RGS7: variants seen among roughly 807,000 people sequenced by gnomAD.
The protein encoded by RGS7 is regulator of G-protein signaling 7.
In RGS7, 27 loss-of-function variants were observed where a neutral mutation model predicts 81.1. That is an observed-to-expected ratio of 0.33 (90% CI 0.25 to 0.46). The LOEUF is 0.46. RGS7 is among the 20% of genes least tolerant of loss of function. The pLI, the probability that RGS7 is intolerant of heterozygous loss-of-function variation, is 1.00. For synonymous variants in RGS7, 208 were observed against 207.7 expected (o/e 1.00, Z -0.01); for missense variants, 396 against 607.4 (o/e 0.65, Z 3.66).
In RGS7 at chr1:241,259,727, T is replaced by C. The variant is rs1191945406; in HGVS notation, c.78+95972A>G. On this transcript the variant is annotated intron_variant, in intron 2 of 18. Coordinates refer to ENST00000440928, the MANE Select transcript of RGS7 (RefSeq NM_001364886.1). ...TAACAGCAACAACAATATGTTTTGA[T>C]GCTCAAGAACATGTCCAGGACAAAG... 1.4e-4 allele frequency among the ~76,000 whole-genome samples: 20 copies of C among 146,926 alleles called. No homozygotes were observed. In the Admixed American group the frequency reaches 1.4e-3, roughly 10 times the overall value.
At chr1:240,831,824 A>G (rs1459522895) in intron 9 of RGS7, among the ~76,000 whole-genome samples, 1 of 151,994 alleles carries the variant, frequency 6.6e-6, no homozygotes, top group African/African-American at 2.4e-5. Context: ...TTTAGTAGAG[A>G]CAAGGTTTTG....
intron 2 of RGS7, among the ~76,000 whole-genome samples, chr1:241,285,370 C>A (rs1284626881): frequency 1.3e-5 from 2 of 152,152 alleles, no homozygotes; most frequent in Admixed American, 1.3e-4. Flanking sequence ...CCCAGCTAAT[C>A]TGCCTTGTTC....
chr1:241,186,416 A>C (rs1393753100), intron 2 of RGS7: 1 of 813,472 alleles, frequency 1.2e-6, no homozygotes, highest in East Asian at 1.2e-4. Flanking sequence ...AGACCACAAG[A>C]AACAACATCT....
intron 2 of RGS7, among the ~76,000 whole-genome samples, chr1:241,219,213 T>C (rs2074751847): frequency 6.6e-6 from 1 of 152,082 alleles, no homozygotes; most frequent in African/African-American, 2.4e-5. Context: ...AGGGACTCAG[T>C]GGGAGGTAAC....
At chr1:240,896,782 C>T (rs1373778016) in intron 6 of RGS7, among the ~76,000 whole-genome samples, 3 of 152,212 alleles carry the variant, frequency 2.0e-5, no homozygotes, top group African/African-American at 7.2e-5. Context: ...TTTTTGGTTC[C>T]ATATGAACTT....
intron 2 of RGS7, among the ~76,000 whole-genome samples, chr1:241,350,010 A>G (rs1238270448): frequency 6.6e-6 from 1 of 152,172 alleles, no homozygotes. Context: ...TCCTCTGATC[A>G]ATTAGATTCA....
rs774763343 is a variant in RGS7 at position 240,776,207 on chromosome 1, A to T, written c.*13T>A. On this transcript the variant is annotated 3_prime_UTR_variant, in exon 19 of 19. Coordinates refer to ENST00000440928, the MANE Select transcript of RGS7 (RefSeq NM_001364886.1). ...CTTGTTAACCTCTTGGACGTGAGAG[A>T]TTTCCCCTGAGAAAATATATAAAAC... 11 of 1,608,582 alleles carry T rather than the reference A, an allele frequency of 6.8e-6. No homozygotes were observed. The African/African-American group carries it at 1.5e-4, about 22-fold the overall frequency.
intron 2 of RGS7, among the ~76,000 whole-genome samples, chr1:241,175,817 G>A (rs1418708008): frequency 2.0e-5 from 3 of 152,204 alleles, no homozygotes; most frequent in Non-Finnish European, 4.4e-5. Context: ...CAGGAAAAAG[G>A]AACAGCTACA....
chr1:240,774,937 T>A (rs1682763370), downstream of RGS7, among the ~76,000 whole-genome samples: 1 of 152,222 alleles, frequency 6.6e-6, no homozygotes, highest in Admixed American at 6.5e-5. Context: ...AATCTAGAGA[T>A]GACTTAGTAT....
At chr1:240,954,780 A>C (rs1323185673) in intron 4 of RGS7, among the ~76,000 whole-genome samples, 1 of 152,218 alleles carries the variant, frequency 6.6e-6, no homozygotes, top group African/African-American at 2.4e-5. Flanking sequence ...TGTTATACAC[A>C]TTGGAAAAGA....
At chr1:240,992,415 A>T (rs1365644335) in intron 3 of RGS7, among the ~76,000 whole-genome samples, 1 of 152,126 alleles carries the variant, frequency 6.6e-6, no homozygotes, top group East Asian at 1.9e-4. Context: ...GAGGCAGGAG[A>T]ATCACTTGAA....
At chr1:241,100,900 C>T (rs2064688333) in intron 2 of RGS7, among the ~76,000 whole-genome samples, 1 of 152,190 alleles carries the variant, frequency 6.6e-6, no homozygotes, top group South Asian at 2.1e-4. Flanking sequence ...CTTGTCTCTG[C>T]CCCCTAATTT....
At chr1:241,192,250 C>T (rs1414313661) in intron 2 of RGS7, among the ~76,000 whole-genome samples, 3 of 22,208 alleles carry the variant, frequency 1.4e-4, no homozygotes, top group African/African-American at 2.6e-4. Flanking sequence ...TTTCTGTCTG[C>T]ACGTGTGTGT....
rs1384832427 is a variant in RGS7, at chr1:240,985,759, C to T, written c.176-2630G>A. On this transcript the variant is annotated intron_variant, in intron 3 of 18. Coordinates refer to ENST00000440928, the MANE Select transcript of RGS7 (RefSeq NM_001364886.1). ...TCCATCTGTAAGAGTAAGACCTCAA[C>T]TCCTTGAAGAGATAGGTAGAGAGAG... 2.6e-5 allele frequency among the ~76,000 whole-genome samples: 4 copies of T among 151,928 alleles called. No individual in the cohort carries two copies. In the South Asian group the frequency reaches 6.2e-4, roughly 24 times the overall value.
chr1:240,784,423 G>T (rs35108478), intron 18 of RGS7, among the ~76,000 whole-genome samples: 18,136 of 151,668 alleles, frequency 0.12, 1,564 homozygotes, highest in African/African-American at 0.24. Flanking sequence ...GGCAGATCAC[G>T]AGGTCAGGAG....
intron 9 of RGS7, among the ~76,000 whole-genome samples, chr1:240,857,581 C>G (rs948131485): frequency 6.6e-6 from 1 of 152,124 alleles, no homozygotes; most frequent in Non-Finnish European, 1.5e-5. Context: ...TTTTTCCTGT[C>G]TCTGTGGTTT....
chr1:241,021,879 C>CTGAGAAAA (rs1238958670), intron 3 of RGS7, among the ~76,000 whole-genome samples: 1 of 152,162 alleles, frequency 6.6e-6, no homozygotes, highest in Non-Finnish European at 1.5e-5. Flanking sequence ...AGAATGTGTT[C>CTGAGAAAA]TGTTCAACCT....
intron 6 of RGS7, among the ~76,000 whole-genome samples, chr1:240,875,335 G>T (rs557615278): frequency 6.6e-6 from 1 of 152,120 alleles, no homozygotes; most frequent in South Asian, 2.1e-4. Context: ...TCCTCCAGGC[G>T]CATCATGTTG....
At chr1:240,978,641 A>G (rs1353331703) in intron 4 of RGS7, among the ~76,000 whole-genome samples, 1 of 152,214 alleles carries the variant, frequency 6.6e-6, no homozygotes, top group East Asian at 1.9e-4. Context: ...AGAGAAAATA[A>G]TAATCGAGAT....
Sources: gnomAD v4.1 joint callset for allele counts (sites outside exome capture counted in the v4.1 genomes callset) on GRCh38, gnomAD v4.1.1 for gene constraint, MANE v1.5 for transcripts, NCBI Gene and HGNC (gene_info 2026-07-23, HGNC 2026-07-21) for gene names.